Variants in CTNNA2 observed in about 807,000 individuals in gnomAD.
The protein encoded by CTNNA2 is catenin alpha 2.
A neutral mutation model predicts 101.0 loss-of-function variants in CTNNA2; 42 were observed. That is an observed-to-expected ratio of 0.42 (90% CI 0.32 to 0.54). CTNNA2 has a LOEUF of 0.54. Ranked by LOEUF, CTNNA2 falls within the 20% of genes least tolerant of loss-of-function variation. The pLI is 0.14. For missense variants in CTNNA2, 871 were observed against 1,223.1 expected (o/e 0.71, Z 4.29); for synonymous variants, 450 against 456.4 (o/e 0.99, Z 0.18).
chr2:80,587,223 T>A (rs572189600), intron 14 of CTNNA2, among the ~76,000 whole-genome samples: 1 of 152,268 alleles, frequency 6.6e-6, no homozygotes, highest in East Asian at 1.9e-4. Context: ...TTAAGTAGAT[T>A]GTTATTTGAC....
intron 1 of CTNNA2, among the ~76,000 whole-genome samples, chr2:79,646,622 T>C (rs1680840296): frequency 6.8e-6 from 1 of 146,620 alleles, no homozygotes; most frequent in Non-Finnish European, 1.5e-5. Context: ...TCGACATCCC[T>C]GGGCTCAAGT....
At chr2:79,813,626 C>G (rs534825557) in intron 3 of CTNNA2, among the ~76,000 whole-genome samples, 42 of 152,150 alleles carry the variant, frequency 2.8e-4, no homozygotes, top group African/African-American at 9.9e-4. Flanking sequence ...AAAGAGAGGT[C>G]TGGATTGGTG....
chr2:80,388,490 C>T lies in CTNNA2; in HGVS notation c.1057-4721C>T, dbSNP rs143738214. Among the ~76,000 whole-genome samples the T allele has an allele frequency of 3.3e-3, 495 of 152,278 alleles. 1 individual carries two copies. The highest frequency in any genetic ancestry group is 0.011 in the African/African-American group (459 of 41,568). On this transcript the variant is annotated intron_variant, in intron 7 of 18. Transcript: ENST00000402739. ...CAGTGTTATGATTGTTTCCCTGTAACAGGAAAGTATAGTTACAGGTGCTTG... is the reference window on the plus strand; with the variant it reads ...CAGTGTTATGATTGTTTCCCTGTAATAGGAAAGTATAGTTACAGGTGCTTG...
chr2:79,443,903 A>ACTCTCTCT lies in CTNNA2; in HGVS notation c.-134-61120_-134-61113dup, dbSNP rs3979544. 7.4e-3 allele frequency among the ~76,000 whole-genome samples: 1,046 copies of ACTCTCTCT among 141,884 alleles called. 19 individuals carry two copies. Among genetic ancestry groups the ACTCTCTCT allele is most frequent in the African/African-American group, 0.023 (886 of 38,598 alleles). 93.1% of individuals were successfully genotyped at this position (141,884 alleles called of 152,430 possible). A position where few individuals can be genotyped will look rare whatever the true frequency, so the allele number is the denominator to read the frequency against. On this transcript the variant is annotated intron_variant, in intron 4 of 21. Coordinates refer to the CTNNA2 transcript ENST00000466387. ...AAGCTTTTATCTTATTTGTATACATACTCTCTCTCTCTCTCTCTCTCTCTC... is the reference window on the plus strand; with the variant it reads ...AAGCTTTTATCTTATTTGTATACATACTCTCTCTCTCTCTCTCTCTCTCTCTCTCTCTC...
intron 1 of CTNNA2, among the ~76,000 whole-genome samples, chr2:79,645,981 G>A (rs570938723): frequency 1.3e-5 from 2 of 152,260 alleles, no homozygotes; most frequent in South Asian, 2.1e-4. Flanking sequence ...TGGCAGTAGT[G>A]CCCAGTATTG....
chr2:80,579,650 A>G (rs1469016013), intron 13 of CTNNA2, among the ~76,000 whole-genome samples: 1 of 152,200 alleles, frequency 6.6e-6, no homozygotes. Flanking sequence ...ATGAAAGTAA[A>G]CATCTGTAGA....
chr2:79,390,914 G>T (rs995772), intron 4 of CTNNA2, among the ~76,000 whole-genome samples: 126,241 of 152,148 alleles, frequency 0.83, 52,894 homozygotes, highest in African/African-American at 0.95. Flanking sequence ...TGTGATTGAT[G>T]CATTGATTGA....
intron 2 of CTNNA2, among the ~76,000 whole-genome samples, chr2:79,235,883 C>A (rs113144578): frequency 6.6e-6 from 1 of 151,926 alleles, no homozygotes; most frequent in Non-Finnish European, 1.5e-5. Flanking sequence ...AGGGATGGGT[C>A]GAGTCACCTT....
chr2:80,620,419 G>T (rs1049972442), intron 18 of CTNNA2, among the ~76,000 whole-genome samples: 1 of 151,850 alleles, frequency 6.6e-6, no homozygotes, highest in Admixed American at 6.6e-5. Context: ...ATATTTAAAA[G>T]CACTACAGCT....
intron 13 of CTNNA2, among the ~76,000 whole-genome samples, chr2:80,579,924 C>CT (rs1216351599): frequency 6.6e-6 from 1 of 152,208 alleles, no homozygotes; most frequent in Non-Finnish European, 1.5e-5. Flanking sequence ...GTGGTCTGCT[C>CT]TTTTCTTTTG....
intron 1 of CTNNA2, among the ~76,000 whole-genome samples, chr2:79,646,278 C>A (rs576846385): frequency 6.6e-6 from 1 of 152,178 alleles, no homozygotes; most frequent in Non-Finnish European, 1.5e-5. Context: ...TTCTCCTTAT[C>A]AGGACGCTGT....
At chr2:80,335,698 G>C (rs1671714452) in intron 7 of CTNNA2, among the ~76,000 whole-genome samples, 2 of 152,054 alleles carry the variant, frequency 1.3e-5, no homozygotes, top group Non-Finnish European at 2.9e-5. Context: ...CTTTCCAATT[G>C]GTAAAATGTT....
intron 3 of CTNNA2, among the ~76,000 whole-genome samples, chr2:79,752,692 TAGTG>T (rs1672122456): frequency 6.6e-6 from 1 of 152,154 alleles, no homozygotes; most frequent in Non-Finnish European, 1.5e-5. Context: ...TGTCTGCACA[TAGTG>T]AGCACTTCAG....
At chr2:79,197,142 A>T (rs1049581611) in intron 1 of CTNNA2, among the ~76,000 whole-genome samples, 1 of 152,202 alleles carries the variant, frequency 6.6e-6, no homozygotes, top group Non-Finnish European at 1.5e-5. Context: ...TGTGCTCTCA[A>T]ATCCAGAGAT....
At chr2:79,696,175 C>T (rs1431897244) in intron 2 of CTNNA2, among the ~76,000 whole-genome samples, 1 of 151,956 alleles carries the variant, frequency 6.6e-6, no homozygotes, top group Non-Finnish European at 1.5e-5. Flanking sequence ...TACAAAGTCG[C>T]TTTGTAAATT....
intron 7 of CTNNA2, among the ~76,000 whole-genome samples, chr2:80,387,149 C>T (rs1039460388): frequency 6.6e-6 from 1 of 151,988 alleles, no homozygotes; most frequent in South Asian, 2.1e-4. Flanking sequence ...ATTAGCCGGG[C>T]GTGGTGGCGG....
chr2:80,326,744 A>C (rs1406579453), intron 7 of CTNNA2, among the ~76,000 whole-genome samples: 1 of 152,164 alleles, frequency 6.6e-6, no homozygotes, highest in Non-Finnish European at 1.5e-5. Context: ...AAAGAAACAA[A>C]ATGTCAGTTT....
At chr2:79,776,267 A>AT (rs375816678) in intron 3 of CTNNA2, among the ~76,000 whole-genome samples, 4,108 of 151,758 alleles carry the variant, frequency 0.027, 193 homozygotes, top group African/African-American at 0.092. Flanking sequence ...AACTTTTGGA[A>AT]TTTTTTTTTA....
intron 9 of CTNNA2, among the ~76,000 whole-genome samples, chr2:80,520,084 C>T (rs1241747426): frequency 6.6e-6 from 1 of 152,126 alleles, no homozygotes; most frequent in Non-Finnish European, 1.5e-5. Flanking sequence ...ATTTCCTCAT[C>T]CCTCCTCCTC....
Sources: allele counts gnomAD v4.1 joint callset (sites outside exome capture counted in the v4.1 genomes callset), GRCh38; gene constraint gnomAD v4.1.1; transcripts MANE v1.5; gene names NCBI Gene and HGNC (gene_info 2026-07-23, HGNC 2026-07-21).